The following FHIT variants were observed in gnomAD, a reference collection of about 807,000 sequenced individuals.
FHIT encodes fragile histidine triad diadenosine triphosphatase, also known as bis(5'-adenosyl)-triphosphatase.
In FHIT, 19 loss-of-function variants were observed where a neutral mutation model predicts 17.9. That is an observed-to-expected ratio of 1.06 (90% CI 0.74 to 1.56). The LOEUF (loss-of-function observed/expected upper bound fraction) is 1.56. FHIT is among the 40% of genes most tolerant of loss of function. FHIT has a pLI of 0.00. For synonymous variants in FHIT, 81 were observed against 69.7 expected (o/e 1.16, Z -0.81); for missense variants, 248 against 189.2 (o/e 1.31, Z -1.82).
intron 5 of FHIT, among the ~76,000 whole-genome samples, chr3:60,188,207 C>CTTTTTTTTTTTT (rs1210975877): frequency 8.0e-6 from 1 of 125,570 alleles, no homozygotes; most frequent in African/African-American, 3.0e-5. Flanking sequence ...CAGTTTCTTT[C>CTTTTTTTTTTTT]TTTTTTTTTT....
At position 59,856,871 on chromosome 3, in the gene FHIT, A is replaced by AT. The variant is rs61261831; in HGVS notation, c.348+65474dup. On this transcript the variant is annotated intron_variant, in intron 8 of 9. Transcript: ENST00000492590. ...CAAGTACTTAGCTCCCCGGCTGAGT[A>AT]TTTTTTTTTTTTTTAACTCTCCTTT... Among the ~76,000 whole-genome samples, 333 of 148,358 alleles carry AT rather than the reference A, an allele frequency of 2.2e-3. 3 individuals carry two copies. The highest frequency in any genetic ancestry group is 0.013 in the South Asian group (63 of 4,694).
intron 8 of FHIT, among the ~76,000 whole-genome samples, chr3:59,902,972 T>C (rs941969838): frequency 6.6e-6 from 1 of 152,176 alleles, no homozygotes; most frequent in Non-Finnish European, 1.5e-5. Flanking sequence ...AAAAGGTAAC[T>C]ACGTGAGGTA....
chr3:60,534,121 G>A (rs376002750), intron 5 of FHIT, among the ~76,000 whole-genome samples: 1 of 152,188 alleles, frequency 6.6e-6, no homozygotes, highest in African/African-American at 2.4e-5. Flanking sequence ...AAGCAAAGGA[G>A]TACCTTATTA....
At chr3:60,736,375 G>A (rs2042132630) in intron 4 of FHIT, among the ~76,000 whole-genome samples, 1 of 148,714 alleles carries the variant, frequency 6.7e-6, no homozygotes. Flanking sequence ...CAGCCAAAAT[G>A]TGGGAAAAAA....
intron 8 of FHIT, among the ~76,000 whole-genome samples, chr3:59,918,823 C>T (rs1305374569): frequency 6.6e-6 from 1 of 152,140 alleles, no homozygotes; most frequent in African/African-American, 2.4e-5. Context: ...AAATACTTTA[C>T]AGTCACAATA....
chr3:60,921,575 T>C (rs1478503106), intron 3 of FHIT, among the ~76,000 whole-genome samples: 1 of 152,240 alleles, frequency 6.6e-6, no homozygotes, highest in Non-Finnish European at 1.5e-5. Context: ...AATAACATTA[T>C]AACTTTTAAA....
intron 2 of FHIT, among the ~76,000 whole-genome samples, chr3:61,063,858 T>C (rs982761440): frequency 6.6e-6 from 1 of 152,222 alleles, no homozygotes; most frequent in African/African-American, 2.4e-5. Flanking sequence ...CAAATTATGA[T>C]TTCAATGTCA....
intron 4 of FHIT, among the ~76,000 whole-genome samples, chr3:60,657,624 C>T (rs982262964): frequency 4.6e-5 from 7 of 152,140 alleles, no homozygotes; most frequent in Non-Finnish European, 7.4e-5. Flanking sequence ...CTTGACCAAA[C>T]GTTAATCAGG....
rs149047359 is a variant in FHIT, at chr3:60,115,479, A to T, written c.104-101327T>A. 3.9e-3 allele frequency among the ~76,000 whole-genome samples: 598 copies of T among 152,306 alleles called. 4 individuals are homozygous for T. The highest frequency in any genetic ancestry group is 0.014 in the African/African-American group (565 of 41,580). ...CGGTAATTTTGTTGGAAAAATAGGCAGAGTATTTTCATTTATATTCAAGTC... is the reference window on the plus strand; with the variant it reads ...CGGTAATTTTGTTGGAAAAATAGGCTGAGTATTTTCATTTATATTCAAGTC... On this transcript the variant is annotated intron_variant, in intron 5 of 9. Coordinates refer to ENST00000492590, the MANE Select transcript of FHIT (RefSeq NM_002012.4).
intron 1 of FHIT, among the ~76,000 whole-genome samples, chr3:61,207,460 T>G (rs1448666444): frequency 6.6e-6 from 1 of 152,228 alleles, no homozygotes; most frequent in Non-Finnish European, 1.5e-5. Context: ...GGACTTTTTT[T>G]GGTTGGTAAG....
At chr3:60,073,136 CTGAT>C (rs1488455747) in intron 5 of FHIT, among the ~76,000 whole-genome samples, 1 of 152,178 alleles carries the variant, frequency 6.6e-6, no homozygotes, top group Non-Finnish European at 1.5e-5. Flanking sequence ...ATTCAAGTGA[CTGAT>C]TGTGTTAGCA....
intron 5 of FHIT, among the ~76,000 whole-genome samples, chr3:60,123,645 T>G (rs1490118167): frequency 6.6e-6 from 1 of 152,004 alleles, no homozygotes; most frequent in African/African-American, 2.4e-5. Context: ...AAATGATGAG[T>G]AGAGAAACCC....
intron 5 of FHIT, among the ~76,000 whole-genome samples, chr3:60,225,859 C>T: frequency 6.6e-6 from 1 of 152,102 alleles, no homozygotes; most frequent in East Asian, 1.9e-4. Flanking sequence ...TTGCACTTCC[C>T]TCAGCAGATC....
At chr3:59,992,132 G>T (rs757204572) in intron 7 of FHIT, among the ~76,000 whole-genome samples, 1 of 151,840 alleles carries the variant, frequency 6.6e-6, no homozygotes, top group Non-Finnish European at 1.5e-5. Flanking sequence ...TAAGAATATA[G>T]AACATGAAGC....
intron 5 of FHIT, among the ~76,000 whole-genome samples, chr3:60,169,537 C>A (rs1038778964): frequency 6.6e-6 from 1 of 152,172 alleles, no homozygotes; most frequent in African/African-American, 2.4e-5. Flanking sequence ...GTGAAATAAT[C>A]TTTGCAACTC....
At chr3:61,122,500 C>T (rs1034996269) in intron 2 of FHIT, among the ~76,000 whole-genome samples, 3 of 152,160 alleles carry the variant, frequency 2.0e-5, no homozygotes, top group African/African-American at 7.2e-5. Context: ...CCAAAATTGA[C>T]AATTGGGATC....
intron 5 of FHIT, among the ~76,000 whole-genome samples, chr3:60,152,744 T>C (rs987034500): frequency 4.6e-5 from 7 of 152,278 alleles, no homozygotes; most frequent in African/African-American, 1.7e-4. Flanking sequence ...GGGCTTTCCG[T>C]ACCCCACCAG....
At chr3:61,142,098 T>C (rs1010073226) in intron 2 of FHIT, among the ~76,000 whole-genome samples, 1 of 150,148 alleles carries the variant, frequency 6.7e-6, no homozygotes, top group Non-Finnish European at 1.5e-5. Context: ...AGATATTATC[T>C]TAAAATGCTT....
rs559878380 is a variant in FHIT at position 60,268,704 on chromosome 3, G to A, written c.104-254552C>T. Among the ~76,000 whole-genome samples, 8 of 152,258 alleles carry A rather than the reference G, an allele frequency of 5.3e-5. No individual in the cohort carries two copies. The South Asian group carries it at 1.2e-3, about 24-fold the overall frequency. ...GTTCACAGTAGGTGTAGGTGTGGTC[G>A]ACAGAATCCTGGCCACCTATAGATG... On this transcript the variant is annotated intron_variant, in intron 5 of 9. Transcript: ENST00000492590.
Sources: gnomAD v4.1 joint callset for allele counts (sites outside exome capture counted in the v4.1 genomes callset) on GRCh38, gnomAD v4.1.1 for gene constraint, MANE v1.5 for transcripts, NCBI Gene and HGNC (gene_info 2026-07-23, HGNC 2026-07-21) for gene names.